The following FRMD4B variants were observed in gnomAD, a reference collection of about 807,000 sequenced individuals.
FRMD4B encodes FERM domain containing 4B.
A neutral mutation model predicts 141.5 loss-of-function variants in FRMD4B; 74 were observed. That is an observed-to-expected ratio of 0.52 (90% CI 0.43 to 0.63). The LOEUF (loss-of-function observed/expected upper bound fraction) is 0.63, where lower values mean the gene tolerates loss of function less well. Ranked by LOEUF, FRMD4B falls within the 30% of genes least tolerant of loss-of-function variation. The pLI, the probability that FRMD4B is intolerant of heterozygous loss-of-function variation, is 0.00. For missense variants in FRMD4B, 1,366 were observed against 1,253.4 expected (o/e 1.09, Z -1.36); for synonymous variants, 506 against 467.9 (o/e 1.08, Z -1.05).
chr3:69,339,863 G>A (rs889077241), intron 1 of FRMD4B, among the ~76,000 whole-genome samples: 2 of 152,090 alleles, frequency 1.3e-5, no homozygotes, highest in Non-Finnish European at 2.9e-5. Context: ...CCCCTGAGAG[G>A]GGATTCTTGA....
At chr3:69,189,547 T>C (rs2092813546) in intron 18 of FRMD4B, among the ~76,000 whole-genome samples, 1 of 152,180 alleles carries the variant, frequency 6.6e-6, no homozygotes, top group African/African-American at 2.4e-5. Context: ...TGAAGGAATC[T>C]TTGTATTAAT....
At chr3:69,312,885 T>C (rs1204720915) in intron 2 of FRMD4B, among the ~76,000 whole-genome samples, 1 of 77,206 alleles carries the variant, frequency 1.3e-5, no homozygotes, top group African/African-American at 7.7e-5. Context: ...CAAGACTCCG[T>C]CTGAAAAAAA....
intron 1 of FRMD4B, among the ~76,000 whole-genome samples, chr3:69,539,436 A>G (rs1701132843): frequency 1.3e-5 from 2 of 152,210 alleles, no homozygotes; most frequent in Admixed American, 6.5e-5. Context: ...ATTAGGCTCA[A>G]ATGCAACCAT....
At chr3:69,393,119 A>T (rs910550302) in intron 2 of FRMD4B, among the ~76,000 whole-genome samples, 1 of 152,132 alleles carries the variant, frequency 6.6e-6, no homozygotes, top group African/African-American at 2.4e-5. Flanking sequence ...AAGGGCTAAA[A>T]ATCGTAGTAG....
intron 1 of FRMD4B, among the ~76,000 whole-genome samples, chr3:69,373,511 G>T (rs766323225): frequency 1.3e-4 from 20 of 152,118 alleles, no homozygotes; most frequent in Non-Finnish European, 2.9e-4. Flanking sequence ...ATCATTAGAA[G>T]AATTAAATAA....
rs187164888 is a variant in FRMD4B, at chr3:69,282,667, C to A, written c.501+5085G>T. On this transcript the variant is annotated intron_variant, in intron 5 of 22. Coordinates refer to ENST00000398540, the MANE Select transcript of FRMD4B (RefSeq NM_015123.3). ...ATATACGTATATTTGGAGATGGAGT[C>A]TCATTCTGTTGCCAGGTTGGAGTGC... Among the ~76,000 whole-genome samples the A allele has an allele frequency of 2.2e-4, 33 of 152,276 alleles. No homozygotes were observed. In the South Asian group the frequency reaches 6.0e-3, roughly 28 times the overall value.
At chr3:69,366,547 G>A (rs77833377) in intron 1 of FRMD4B, among the ~76,000 whole-genome samples, 27,019 of 151,740 alleles carry the variant, frequency 0.18, 2,692 homozygotes, top group African/African-American at 0.26. Flanking sequence ...GATATGATAT[G>A]TATGTCACTA....
rs2092570443 is a variant in FRMD4B at position 69,170,240 on chromosome 3, C to G, written c.*1621G>C. On this transcript the variant is annotated 3_prime_UTR_variant, in exon 23 of 23. Coordinates refer to ENST00000398540, the MANE Select transcript of FRMD4B (RefSeq NM_015123.3). ...CGACCTGCTTCACATGAACCCCTGA[C>G]ATAAATGGAAGAAAACGTAAACATT... is the stretch of plus-strand genomic sequence containing the variant. 1 of 152,146 alleles carries G rather than the reference C, an allele frequency of 6.6e-6. No individual in the cohort carries two copies. Among genetic ancestry groups the G allele is most frequent in the Non-Finnish European group, 1.5e-5 (1 of 68,028 alleles). The allele number at this position is 152,146 out of a possible 1,614,324, so 9.4% of individuals were successfully genotyped here.
intron 2 of FRMD4B, among the ~76,000 whole-genome samples, chr3:69,400,119 C>G (rs1704536633): frequency 1.3e-5 from 2 of 151,994 alleles, no homozygotes; most frequent in African/African-American, 4.8e-5. Flanking sequence ...GGCATGGTGG[C>G]TCATGCCTGT....
chr3:69,260,022 T>C (rs1275433288), intron 5 of FRMD4B, among the ~76,000 whole-genome samples: 4 of 152,214 alleles, frequency 2.6e-5, no homozygotes, highest in Non-Finnish European at 5.9e-5. Flanking sequence ...ACTCGTCCTA[T>C]GTGAAGATTA....
At chr3:69,281,952 C>G (rs2107016075) in intron 5 of FRMD4B, among the ~76,000 whole-genome samples, 1 of 151,914 alleles carries the variant, frequency 6.6e-6, no homozygotes, top group Admixed American at 6.6e-5. Context: ...TTGTTTCTTT[C>G]AACACATTGA....
intron 1 of FRMD4B, among the ~76,000 whole-genome samples, chr3:69,483,467 G>A (rs1048794973): frequency 1.3e-5 from 2 of 152,158 alleles, no homozygotes; most frequent in Admixed American, 1.3e-4. Flanking sequence ...AGATATTTTG[G>A]AGTCTGTGAT....
chr3:69,341,615 T>A (rs1473648338), intron 1 of FRMD4B, among the ~76,000 whole-genome samples: 2 of 152,158 alleles, frequency 1.3e-5, no homozygotes, highest in African/African-American at 4.8e-5. Flanking sequence ...CCAGAAAACC[T>A]TGTTTCTTGG....
chr3:69,286,441 C>T (rs1395784449), intron 5 of FRMD4B, among the ~76,000 whole-genome samples: 2 of 144,390 alleles, frequency 1.4e-5, no homozygotes, highest in Non-Finnish European at 3.0e-5. Flanking sequence ...ATAATATCAT[C>T]TTGAAGGTAG....
intron 1 of FRMD4B, among the ~76,000 whole-genome samples, chr3:69,472,925 C>CTTTTTTTTTTTTTTTTTTTTTTTTT (rs796453101): frequency 4.4e-5 from 4 of 90,914 alleles, no homozygotes; most frequent in African/African-American, 9.7e-5. Context: ...GTGAGTCTTT[C>CTTTTTTTTTTTTTTTTTTTTTTTTT]TTTTTTTTTT....
At chr3:69,245,338 TGTGTG>T (rs1559748519) in intron 7 of FRMD4B, among the ~76,000 whole-genome samples, 3 of 149,788 alleles carry the variant, frequency 2.0e-5, no homozygotes, top group African/African-American at 7.6e-5. Flanking sequence ...TGTGTGTGTG[TGTGTG>T]TGTGTGTGTG....
rs1700880447 is a variant in FRMD4B at position 69,523,252 on chromosome 3, C to G, written c.-129+18954G>C. On this transcript the variant is annotated intron_variant, in intron 1 of 5. Transcript: ENST00000459638. Reference sequence around the variant, plus strand: ...AAAAGGATGAAGAAATTAATCCAGCCTCATAAGAGGATGACAGAAGTGGTT... The same window carrying G: ...AAAAGGATGAAGAAATTAATCCAGCGTCATAAGAGGATGACAGAAGTGGTT... 2.0e-5 allele frequency among the ~76,000 whole-genome samples: 3 copies of G among 152,202 alleles called. 1 individual carries two copies. The highest frequency in any genetic ancestry group is 6.5e-5 in the Admixed American group (1 of 15,284).
intron 1 of FRMD4B, among the ~76,000 whole-genome samples, chr3:69,326,720 A>C (rs1371216837): frequency 1.3e-5 from 2 of 152,218 alleles, no homozygotes; most frequent in Non-Finnish European, 2.9e-5. Flanking sequence ...GAGAGGGAAA[A>C]ATCAGGGTAT....
intron 16 of FRMD4B, among the ~76,000 whole-genome samples, 182 bp from the exon 17 acceptor site, chr3:69,194,055 A>G (rs1442744531): frequency 6.6e-6 from 1 of 152,208 alleles, no homozygotes; most frequent in Non-Finnish European, 1.5e-5. Flanking sequence ...CTTAACTTCA[A>G]CTTCTCATTA....
Sources: gnomAD v4.1 joint callset for allele counts (sites outside exome capture counted in the v4.1 genomes callset) on GRCh38, gnomAD v4.1.1 for gene constraint, MANE v1.5 for transcripts, NCBI Gene and HGNC (gene_info 2026-07-23, HGNC 2026-07-21) for gene names.